The following FHIT variants were observed in gnomAD, a reference collection of about 807,000 sequenced individuals.
The protein encoded by FHIT is bis(5'-adenosyl)-triphosphatase.
FHIT carries 19 observed loss-of-function variants against 17.9 expected under a neutral mutation model. The observed-to-expected ratio is 1.06, with a 90% confidence interval of 0.74 to 1.56. The LOEUF (loss-of-function observed/expected upper bound fraction) is 1.56, where lower values mean the gene tolerates loss of function less well. FHIT is among the 40% of genes most tolerant of loss of function. The pLI is 0.00. For missense variants in FHIT, 248 were observed against 189.2 expected, an observed-to-expected ratio of 1.31 and a Z score of -1.82; for synonymous variants, 81 against 69.7, an observed-to-expected ratio of 1.16 and a Z score of -0.81.
chr3:60,854,990 G>C (rs1230142165), intron 3 of FHIT, among the ~76,000 whole-genome samples: 2 of 152,000 alleles, frequency 1.3e-5, no homozygotes, highest in Non-Finnish European at 2.9e-5. Context: ...AATTACTCAA[G>C]ATCTCTTTTG....
intron 1 of FHIT, among the ~76,000 whole-genome samples, chr3:61,217,090 A>T (rs1440015908): frequency 6.6e-6 from 1 of 152,110 alleles, no homozygotes; most frequent in African/African-American, 2.4e-5. Flanking sequence ...CAGATGTATA[A>T]ATATGTGACT....
At chr3:60,798,267 T>C (rs1329780777) in intron 4 of FHIT, among the ~76,000 whole-genome samples, 1 of 152,198 alleles carries the variant, frequency 6.6e-6, no homozygotes, top group Non-Finnish European at 1.5e-5. Context: ...ATGACAATTT[T>C]ACTGAAATGA....
chr3:60,607,808 AC>A (rs782701915), intron 4 of FHIT, among the ~76,000 whole-genome samples: 6 of 152,220 alleles, frequency 3.9e-5, no homozygotes, highest in Non-Finnish European at 7.3e-5. Flanking sequence ...ACACATATAA[AC>A]ATATATGTAT....
At chr3:60,820,039 G>T (rs1701873599) in intron 4 of FHIT, among the ~76,000 whole-genome samples, 1 of 152,144 alleles carries the variant, frequency 6.6e-6, no homozygotes. Context: ...CGGGAGTGAT[G>T]GCTCACACCT....
intron 8 of FHIT, among the ~76,000 whole-genome samples, chr3:59,896,595 G>A (rs910955301): frequency 6.6e-6 from 1 of 152,018 alleles, no homozygotes; most frequent in African/African-American, 2.4e-5. Flanking sequence ...TTTTAAATCT[G>A]TTACAAGCAA....
chr3:59,937,668 C>T (rs1368034556), intron 7 of FHIT, among the ~76,000 whole-genome samples: 9 of 152,076 alleles, frequency 5.9e-5, no homozygotes, highest in African/African-American at 2.2e-4. Flanking sequence ...TTGCTTTGAC[C>T]GTTACTACAA....
intron 2 of FHIT, among the ~76,000 whole-genome samples, chr3:61,139,194 T>A (rs1265532227): frequency 6.6e-6 from 1 of 152,130 alleles, no homozygotes; most frequent in African/African-American, 2.4e-5. Flanking sequence ...CATGCCTGGC[T>A]AATTTTTTGT....
chr3:60,618,374 C>T (rs1019321605), intron 4 of FHIT, among the ~76,000 whole-genome samples: 2 of 152,074 alleles, frequency 1.3e-5, no homozygotes, highest in East Asian at 3.9e-4. Context: ...CACAGATCAT[C>T]CCATCACCTA....
At chr3:61,194,476 A>G (rs554419099) in intron 2 of FHIT, among the ~76,000 whole-genome samples, 2 of 152,296 alleles carry the variant, frequency 1.3e-5, no homozygotes, top group South Asian at 4.1e-4. Flanking sequence ...CTACCTTAAA[A>G]AAAAGGAAAA....
chr3:60,619,422 A>G (rs541523558), intron 4 of FHIT, among the ~76,000 whole-genome samples: 6 of 152,304 alleles, frequency 3.9e-5, no homozygotes, highest in Admixed American at 6.5e-5. Flanking sequence ...AGACAATATT[A>G]AATGAGAAGA....
chr3:61,238,634 T>C, intron 1 of FHIT, among the ~76,000 whole-genome samples: 1 of 152,170 alleles, frequency 6.6e-6, no homozygotes. Flanking sequence ...ACCAAGTCAT[T>C]TTTCCTCTTT....
chr3:60,980,966 G>T (rs1710467352), intron 3 of FHIT, among the ~76,000 whole-genome samples: 1 of 152,162 alleles, frequency 6.6e-6, no homozygotes, highest in Non-Finnish European at 1.5e-5. Context: ...AATCTCCCAT[G>T]GTACCCTGCT....
At chr3:60,668,554 C>CTTTTT (rs71092627) in intron 4 of FHIT, among the ~76,000 whole-genome samples, 15 of 54,814 alleles carry the variant, frequency 2.7e-4, no homozygotes, top group African/African-American at 9.5e-4. Flanking sequence ...CCAGCTCATT[C>CTTTTT]TTTTTTTTTT....
At chr3:60,937,713 G>C (rs1490440708) in intron 3 of FHIT, among the ~76,000 whole-genome samples, 1 of 151,878 alleles carries the variant, frequency 6.6e-6, no homozygotes, top group South Asian at 2.1e-4. Context: ...ACAGGTGCAC[G>C]CCATCATGCC....
intron 5 of FHIT, among the ~76,000 whole-genome samples, chr3:60,406,347 T>A (rs1405458468): frequency 1.3e-5 from 2 of 152,202 alleles, no homozygotes; most frequent in African/African-American, 2.4e-5. Flanking sequence ...CAATCTTACA[T>A]GCAAACTCAA....
intron 8 of FHIT, among the ~76,000 whole-genome samples, chr3:59,827,773 T>C (rs1701026754): frequency 6.6e-6 from 1 of 152,352 alleles, no homozygotes; most frequent in Admixed American, 6.5e-5. Context: ...TCAGTTTTCA[T>C]TTACTTTGGT....
intron 3 of FHIT, among the ~76,000 whole-genome samples, chr3:60,911,071 T>C (rs1559821717): frequency 6.6e-6 from 1 of 152,182 alleles, no homozygotes; most frequent in East Asian, 1.9e-4. Context: ...TTTCAGAGTA[T>C]CTATCATAAG....
intron 3 of FHIT, among the ~76,000 whole-genome samples, chr3:60,846,139 T>C (rs1702917787): frequency 6.6e-6 from 1 of 152,170 alleles, no homozygotes; most frequent in Non-Finnish European, 1.5e-5. Context: ...TTAGCTACAT[T>C]GTTAGAGAGC....
chr3:60,743,229 T>A (rs533775238), intron 4 of FHIT, among the ~76,000 whole-genome samples: 1 of 152,326 alleles, frequency 6.6e-6, no homozygotes, highest in South Asian at 2.1e-4. Context: ...GCTTCTAAGG[T>A]CATAATGCAG....
Sources: gnomAD v4.1 joint callset for allele counts (sites outside exome capture counted in the v4.1 genomes callset) on GRCh38, gnomAD v4.1.1 for gene constraint, MANE v1.5 for transcripts, NCBI Gene and HGNC (gene_info 2026-07-23, HGNC 2026-07-21) for gene names.